RIF1: variants seen among roughly 807,000 people sequenced by gnomAD.
The protein encoded by RIF1 is replication timing regulatory factor 1, also known as telomere-associated protein RIF1.
Under a neutral mutation model 247.1 loss-of-function variants are expected in RIF1, and 45 were observed. The ratio of observed to expected loss-of-function variants is 0.18; its 90% CI spans 0.14 to 0.23. The LOEUF is 0.23. RIF1 is among the 10% of genes least tolerant of loss of function. The pLI is 1.00. For missense variants in RIF1, 2,967 were observed against 2,862.5 expected (o/e 1.04, Z -0.83); for synonymous variants, 1,087 against 978.8 (o/e 1.11, Z -2.06).
At chr2:151,496,863 G>A in intron 10 of RIF1, 1 of 1,411,742 alleles carries the variant, frequency 7.1e-7, no homozygotes, top group African/African-American at 1.4e-5. Context: ...TAGAAAATAG[G>A]ATTAATATGT....
At chr2:151,496,236 T>C in intron 10 of RIF1, 7 of 1,499,798 alleles carry the variant, frequency 4.7e-6, no homozygotes, top group Non-Finnish European at 6.4e-6. Context: ...AAGTAGTTTT[T>C]AAAATCAGTA....
chr2:151,435,065 G>T (rs1690911655), intron 10 of RIF1, among the ~76,000 whole-genome samples: 1 of 151,974 alleles, frequency 6.6e-6, no homozygotes. Context: ...ACCATTATAA[G>T]GGTCCAATAG....
chr2:151,450,518 T>A (rs1238429936), intron 20 of RIF1, among the ~76,000 whole-genome samples: 1 of 152,202 alleles, frequency 6.6e-6, no homozygotes, highest in East Asian at 1.9e-4. Context: ...TTCTACTAGC[T>A]TGAAATTTAT....
chr2:151,446,984 C>T (rs922373218), intron 20 of RIF1, among the ~76,000 whole-genome samples: 2 of 148,096 alleles, frequency 1.4e-5, no homozygotes, highest in African/African-American at 5.0e-5. Flanking sequence ...CGCTCTGTCG[C>T]CCAGGCTGGA....
chr2:151,522,391 A>C, the RIF1 span, among the ~76,000 whole-genome samples: 7 of 152,316 alleles, frequency 4.6e-5, no homozygotes, highest in African/African-American at 1.7e-4. Context: ...CAGAAGAGGC[A>C]GAGGTTTCTT....
chr2:151,427,016 C>G (rs532177459), intron 8 of RIF1, among the ~76,000 whole-genome samples: 59 of 151,918 alleles, frequency 3.9e-4, no homozygotes, highest in African/African-American at 1.4e-3. Flanking sequence ...TGGGCTAGAT[C>G]TATTACGAAG....
chr2:151,501,444 G>A, intron 11 of RIF1: 2 of 1,541,728 alleles, frequency 1.3e-6, no homozygotes, highest in Non-Finnish European at 8.8e-7. Context: ...GGAGTGACAG[G>A]TAGGGGAGTC....
At chr2:151,532,020 G>A in the RIF1 span, 1 of 625,594 alleles carries the variant, frequency 1.6e-6, no homozygotes, top group Non-Finnish European at 2.8e-6. Flanking sequence ...TTCCTAACTG[G>A]AAATGTTTAC....
intron 12 of RIF1, chr2:151,505,599 GTAT>G: frequency 1.3e-6 from 2 of 1,545,538 alleles, no homozygotes; most frequent in Non-Finnish European, 1.8e-6. Context: ...GAAAAGAAAG[GTAT>G]TATTACATGC....
At position 151,466,127 on chromosome 2, in the gene RIF1, G is replaced by A. The variant is rs1440350356; in HGVS notation, c.6600+7G>A. On this transcript the variant is annotated splice_region_variant and intron_variant, in intron 30 of 35. Transcript: ENST00000444746. ...CTCATCACCTGTTAATAAGGTAAGGGGAATGAGGCTAAATATTAAGGAACC... is the reference window on the plus strand; with the variant it reads ...CTCATCACCTGTTAATAAGGTAAGGAGAATGAGGCTAAATATTAAGGAACC... 5 of 1,513,042 alleles carry A rather than the reference G, an allele frequency of 3.3e-6. 1 individual carries two copies. The highest frequency in any genetic ancestry group is 3.6e-4 in the Middle Eastern group (2 of 5,566). The allele number at this position is 1,513,042 out of a possible 1,614,324, so 93.7% of individuals were successfully genotyped here.
intron 25 of RIF1, among the ~76,000 whole-genome samples, chr2:151,459,521 A>G (rs1367275360): frequency 5.9e-5 from 9 of 152,220 alleles, no homozygotes; most frequent in Non-Finnish European, 8.8e-5. Flanking sequence ...TGGCTGAAGT[A>G]AAAATTTTCC....
At chr2:151,497,586 T>C in intron 10 of RIF1, 1 of 1,540,524 alleles carries the variant, frequency 6.5e-7, no homozygotes, top group South Asian at 1.2e-5. Context: ...GTTTTCAAAA[T>C]CATTAAATAA....
intron 34 of RIF1, among the ~76,000 whole-genome samples, chr2:151,472,576 A>G (rs1312272455): frequency 1.3e-5 from 2 of 152,010 alleles, no homozygotes; most frequent in Non-Finnish European, 2.9e-5. Context: ...AGTTTTTAGC[A>G]TGAAGTGTTG....
In RIF1 at chr2:151,477,625, G is replaced by C. The variant is rs2048993402; in HGVS notation, c.*2554G>C. On this transcript the variant is annotated 3_prime_UTR_variant, in exon 36 of 36. Coordinates refer to ENST00000444746, the MANE Select transcript of RIF1 (RefSeq NM_018151.5). Reference sequence around the variant, plus strand: ...GAGAAGGGGTTCACTGTGTTAGCCAGGATGGTCTTGATCTGACCTCGTGAT... The same window carrying C: ...GAGAAGGGGTTCACTGTGTTAGCCACGATGGTCTTGATCTGACCTCGTGAT... 1 of 152,198 alleles carries C rather than the reference G, an allele frequency of 6.6e-6. No individual in the cohort carries two copies. 9.4% of individuals were successfully genotyped at this position (152,198 alleles called of 1,614,324 possible).
At chr2:151,493,444 A>T (rs762485238) in intron 9 of RIF1, 1 of 1,576,850 alleles carries the variant, frequency 6.3e-7, no homozygotes, top group South Asian at 1.2e-5. Context: ...TTTGTACAAT[A>T]CCTAGGGAAG....
At chr2:151,458,781 A>G in intron 24 of RIF1, 30 bp from the exon 25 acceptor site, 1 of 1,324,730 alleles carries the variant, frequency 7.5e-7, no homozygotes, top group Non-Finnish European at 1.1e-6. Context: ...TACTTGACTT[A>G]AGGTATATAT....
At chr2:151,489,891 TA>T in intron 9 of RIF1, 1 of 1,085,110 alleles carries the variant, frequency 9.2e-7, no homozygotes, top group Non-Finnish European at 1.4e-6. Flanking sequence ...AAAAAAACCG[TA>T]ATACCTAATA....
rs780378665 is a variant in RIF1, at chr2:151,428,745, C to G, written c.787-39C>G. 45 of 1,496,356 alleles carry G rather than the reference C, an allele frequency of 3.0e-5. 1 individual carries two copies. In the South Asian group the frequency reaches 4.9e-4, roughly 16 times the overall value. 92.7% of individuals were successfully genotyped at this position (1,496,356 alleles called of 1,614,324 possible). ...ATGATAGCAATTATTCTGTTTCATG[C>G]AGATAAATAACTTCTTAATGATTTT... On this transcript the variant is annotated intron_variant, in intron 8 of 35. Transcript: ENST00000444746.
At chr2:151,414,514 T>TG (rs1686856377) in intron 3 of RIF1, among the ~76,000 whole-genome samples, 1 of 152,200 alleles carries the variant, frequency 6.6e-6, no homozygotes, top group Non-Finnish European at 1.5e-5. Flanking sequence ...GGAAGGGCCT[T>TG]GCTCCCTTTT....
Sources: allele counts gnomAD v4.1 joint callset (sites outside exome capture counted in the v4.1 genomes callset), GRCh38; gene constraint gnomAD v4.1.1; transcripts MANE v1.5; gene names NCBI Gene and HGNC (gene_info 2026-07-23, HGNC 2026-07-21).